The following B3GALT1 variants were observed in gnomAD, a reference collection of about 807,000 sequenced individuals.
B3GALT1 encodes the protein beta-1,3-galactosyltransferase 1.
In B3GALT1, 10 loss-of-function variants were observed where a neutral mutation model predicts 23.2. The ratio of observed to expected loss-of-function variants is 0.43; its 90% CI spans 0.27 to 0.73. B3GALT1 has a LOEUF of 0.73. Ranked by LOEUF, B3GALT1 falls within the 30% of genes least tolerant of loss-of-function variation. The pLI is 0.21. For missense variants in B3GALT1, 299 were observed against 405.4 expected, an observed-to-expected ratio of 0.74 and a Z score of 2.25; for synonymous variants, 156 against 141.5, an observed-to-expected ratio of 1.10 and a Z score of -0.73.
intron 1 of B3GALT1, among the ~76,000 whole-genome samples, chr2:167,452,595 C>G (rs1699107366): frequency 6.6e-6 from 1 of 152,184 alleles, no homozygotes; most frequent in Admixed American, 6.5e-5. Flanking sequence ...CTTGAAGAGT[C>G]TGTGGATTCT....
intron 1 of B3GALT1, among the ~76,000 whole-genome samples, chr2:167,408,075 C>T (rs1698332363): frequency 7.0e-6 from 1 of 143,052 alleles, no homozygotes; most frequent in Admixed American, 6.9e-5. Context: ...CACACACAGA[C>T]ACACAAAACT....
In B3GALT1 at chr2:167,506,655, G is replaced by A. The variant is rs78430062; in HGVS notation, c.-410+16378G>A. Among the ~76,000 whole-genome samples, 1,194 of 152,192 alleles carry A rather than the reference G, an allele frequency of 7.8e-3. 9 individuals are homozygous for A. Among genetic ancestry groups the A allele is most frequent in the Non-Finnish European group, 0.013 (856 of 68,012 alleles). The stretch of plus-strand genomic sequence containing the variant: ...GTGAATAAGACTTAGAATTTACAAG[G>A]GCCTTATATTCTAATACAGGAGACA... On this transcript the variant is annotated intron_variant, in intron 2 of 4. Coordinates refer to ENST00000392690, the MANE Select transcript of B3GALT1 (RefSeq NM_020981.4).
intron 3 of B3GALT1, among the ~76,000 whole-genome samples, chr2:167,725,311 A>G (rs1687295005): frequency 6.6e-6 from 1 of 152,110 alleles, no homozygotes. Flanking sequence ...CTAAGACACC[A>G]TGGTACTTTG....
At chr2:167,835,777 C>A (rs1404372096) in intron 4 of B3GALT1, among the ~76,000 whole-genome samples, 1 of 151,822 alleles carries the variant, frequency 6.6e-6, no homozygotes, top group Non-Finnish European at 1.5e-5. Flanking sequence ...GAGGCACCCC[C>A]AAGTAGGGGC....
chr2:167,502,446 A>G (rs1458479269), intron 2 of B3GALT1, among the ~76,000 whole-genome samples: 2 of 152,212 alleles, frequency 1.3e-5, no homozygotes, highest in Non-Finnish European at 2.9e-5. Flanking sequence ...TCACATTGTT[A>G]GAAAGAACTA....
intron 3 of B3GALT1, among the ~76,000 whole-genome samples, chr2:167,762,580 T>TAAA (rs11439436): frequency 4.6e-5 from 5 of 109,020 alleles, no homozygotes; most frequent in Non-Finnish European, 9.8e-5. Flanking sequence ...GGACCAAAAA[T>TAAA]AAAAAAAAAA....
chr2:167,844,581 A>C (rs1249122617), intron 4 of B3GALT1, among the ~76,000 whole-genome samples: 1 of 152,266 alleles, frequency 6.6e-6, no homozygotes. Flanking sequence ...AGGAAGCAGC[A>C]GAAAGGCCTT....
At chr2:167,867,102 A>G (rs1375445661) in intron 4 of B3GALT1, among the ~76,000 whole-genome samples, 2 of 151,994 alleles carry the variant, frequency 1.3e-5, no homozygotes, top group Non-Finnish European at 2.9e-5. Context: ...AATTTTTTGT[A>G]TTTTTAGTAG....
intron 3 of B3GALT1, among the ~76,000 whole-genome samples, chr2:167,647,949 G>C (rs1685777852): frequency 6.6e-6 from 1 of 152,034 alleles, no homozygotes; most frequent in Non-Finnish European, 1.5e-5. Flanking sequence ...CGCTCTTTAA[G>C]TTATTCTAAA....
At chr2:167,435,832 T>G (rs2105309789) in intron 1 of B3GALT1, among the ~76,000 whole-genome samples, 1 of 152,210 alleles carries the variant, frequency 6.6e-6, no homozygotes, top group South Asian at 2.1e-4. Flanking sequence ...GTGATTCAGT[T>G]TTATAAATGT....
intron 3 of B3GALT1, among the ~76,000 whole-genome samples, chr2:167,761,581 T>G (rs962524996): frequency 6.6e-6 from 1 of 152,152 alleles, no homozygotes; most frequent in African/African-American, 2.4e-5. Flanking sequence ...GGAGAGATTG[T>G]GAAAGAGCTG....
At chr2:167,438,664 C>T (rs1276347564) in intron 1 of B3GALT1, among the ~76,000 whole-genome samples, 1 of 152,074 alleles carries the variant, frequency 6.6e-6, no homozygotes, top group Non-Finnish European at 1.5e-5. Context: ...GTGATGGATC[C>T]CAAGCAACAA....
At chr2:167,748,999 G>A (rs1268133775) in intron 3 of B3GALT1, among the ~76,000 whole-genome samples, 2 of 152,114 alleles carry the variant, frequency 1.3e-5, no homozygotes, top group African/African-American at 4.8e-5. Context: ...AGAATGTAGA[G>A]TCCAAAGACA....
intron 1 of B3GALT1, among the ~76,000 whole-genome samples, chr2:167,454,634 C>T (rs1401460444): frequency 2.6e-5 from 4 of 152,106 alleles, no homozygotes; most frequent in African/African-American, 7.2e-5. Context: ...TCCTGGAAAA[C>T]TGAGTATGCT....
intron 2 of B3GALT1, among the ~76,000 whole-genome samples, chr2:167,498,988 G>A (rs1699812548): frequency 1.3e-5 from 2 of 152,134 alleles, no homozygotes. Context: ...TGCTTGGTCT[G>A]TATGTAAGAC....
intron 1 of B3GALT1, among the ~76,000 whole-genome samples, chr2:167,423,769 TTC>T (rs1224891885): frequency 6.6e-6 from 1 of 152,164 alleles, no homozygotes. Flanking sequence ...TTCTTGGTAC[TTC>T]TGTTTCCACA....
At chr2:167,842,737 G>A (rs1574296569) in intron 4 of B3GALT1, among the ~76,000 whole-genome samples, 1 of 152,038 alleles carries the variant, frequency 6.6e-6, no homozygotes, top group African/African-American at 2.4e-5. Flanking sequence ...AGCTGGGTGT[G>A]GTGGCACACA....
intron 3 of B3GALT1, among the ~76,000 whole-genome samples, chr2:167,782,286 G>A (rs1412396483): frequency 6.6e-6 from 1 of 152,186 alleles, no homozygotes; most frequent in Non-Finnish European, 1.5e-5. Flanking sequence ...GAACGGCGAT[G>A]CCCCTGGTGA....
intron 3 of B3GALT1, among the ~76,000 whole-genome samples, chr2:167,691,944 A>C (rs1686721263): frequency 6.6e-6 from 1 of 152,170 alleles, no homozygotes; most frequent in African/African-American, 2.4e-5. Context: ...AATGTGCATC[A>C]CATGCTAAAT....
Sources: gnomAD v4.1 joint callset for allele counts (sites outside exome capture counted in the v4.1 genomes callset) on GRCh38, gnomAD v4.1.1 for gene constraint, MANE v1.5 for transcripts, NCBI Gene and HGNC (gene_info 2026-07-23, HGNC 2026-07-21) for gene names.